The following GLIS3 variants were observed in gnomAD, a reference collection of about 807,000 sequenced individuals.
GLIS3 encodes zinc finger protein GLIS3.
A neutral mutation model predicts 78.6 loss-of-function variants in GLIS3; 53 were observed. The ratio of observed to expected loss-of-function variants is 0.67; its 90% confidence interval spans 0.54 to 0.85. The LOEUF (loss-of-function observed/expected upper bound fraction) is 0.85. GLIS3 is among the 40% of genes least tolerant of loss of function. The pLI, the probability that GLIS3 is intolerant of heterozygous loss-of-function variation, is 0.00. For missense variants in GLIS3, 1,703 were observed against 1,231.1 expected (o/e 1.38, Z -5.74); for synonymous variants, 684 against 509.9 (o/e 1.34, Z -4.60).
intron 4 of GLIS3, among the ~76,000 whole-genome samples, chr9:4,117,389 C>G (rs1019879729): frequency 3.9e-5 from 6 of 152,176 alleles, no homozygotes; most frequent in African/African-American, 1.4e-4. Flanking sequence ...AAGAAAAAGT[C>G]ACTGCATATT....
At chr9:4,392,360 A>G in the GLIS3 span, among the ~76,000 whole-genome samples, 1 of 152,202 alleles carries the variant, frequency 6.6e-6, no homozygotes, top group African/African-American at 2.4e-5. Context: ...TGCCTATGTA[A>G]CCTGCATATC....
At chr9:4,191,683 A>G (rs1051813949) in intron 2 of GLIS3, among the ~76,000 whole-genome samples, 9 of 152,196 alleles carry the variant, frequency 5.9e-5, no homozygotes, top group Non-Finnish European at 1.2e-4. Context: ...AAGCATTTTA[A>G]TAAATATGTG....
the GLIS3 span, among the ~76,000 whole-genome samples, chr9:4,472,012 A>G: frequency 6.6e-6 from 1 of 152,266 alleles, no homozygotes; most frequent in Non-Finnish European, 1.5e-5. Flanking sequence ...AAAAATGCTC[A>G]TCATCACTGG....
At chr9:4,481,120 T>G in the GLIS3 span, among the ~76,000 whole-genome samples, 31 of 152,052 alleles carry the variant, frequency 2.0e-4, no homozygotes, top group Non-Finnish European at 1.6e-4. Flanking sequence ...CCTCCCAAAG[T>G]GCTGGGATTA....
chr9:4,391,091 C>G, the GLIS3 span, among the ~76,000 whole-genome samples: 1 of 152,104 alleles, frequency 6.6e-6, no homozygotes, highest in African/African-American at 2.4e-5. Context: ...TGCCCACCAT[C>G]GCTGCCAGGA....
chr9:3,831,660 C>T (rs956125897), intron 9 of GLIS3, among the ~76,000 whole-genome samples: 1 of 152,174 alleles, frequency 6.6e-6, no homozygotes, highest in Non-Finnish European at 1.5e-5. Context: ...TTAAGAAATT[C>T]TGCACAGGGA....
At position 3,971,912 on chromosome 9, in the gene GLIS3, G is replaced by A. The variant is rs911105838; in HGVS notation, c.1711-34723C>T. Among the ~76,000 whole-genome samples, 7 of 152,110 alleles carry A rather than the reference G, an allele frequency of 4.6e-5. No homozygotes were observed. The East Asian group carries it at 1.3e-3, about 29-fold the overall frequency. ...CACTGGAGGCAGTGCTGGGGATACT[G>A]AGGATATTGCTGTTTTGAGTGGCAT... On this transcript the variant is annotated intron_variant, in intron 4 of 10. Coordinates refer to ENST00000381971, the MANE Select transcript of GLIS3 (RefSeq NM_001042413.2).
At chr9:4,027,182 G>T (rs1823416445) in intron 4 of GLIS3, among the ~76,000 whole-genome samples, 1 of 152,190 alleles carries the variant, frequency 6.6e-6, no homozygotes, top group African/African-American at 2.4e-5. Context: ...TGCAATGTTA[G>T]CAACCTGGCT....
chr9:4,391,768 T>C, the GLIS3 span, among the ~76,000 whole-genome samples: 1 of 152,190 alleles, frequency 6.6e-6, no homozygotes, highest in African/African-American at 2.4e-5. Flanking sequence ...CCTGGTACTG[T>C]TAATATTCTT....
chr9:4,203,173 T>C (rs769420148), intron 2 of GLIS3, among the ~76,000 whole-genome samples: 8 of 152,000 alleles, frequency 5.3e-5, no homozygotes, highest in African/African-American at 1.2e-4. Flanking sequence ...AAAACATGAA[T>C]AGACAGTTCT....
intron 4 of GLIS3, among the ~76,000 whole-genome samples, chr9:3,948,793 GT>G (rs1462568876): frequency 2.0e-5 from 3 of 152,260 alleles, no homozygotes; most frequent in Middle Eastern, 3.4e-3. Flanking sequence ...AAAATGAGTT[GT>G]TTCCATGATA....
intron 8 of GLIS3, among the ~76,000 whole-genome samples, chr9:3,859,191 T>C (rs1819993098): frequency 6.6e-6 from 1 of 152,158 alleles, no homozygotes; most frequent in African/African-American, 2.4e-5. Context: ...CTGAGGTTAT[T>C]TATTTGGTGC....
intron 2 of GLIS3, among the ~76,000 whole-genome samples, chr9:4,139,987 T>C (rs1053088124): frequency 6.6e-6 from 1 of 152,104 alleles, no homozygotes; most frequent in African/African-American, 2.4e-5. Context: ...TTTTTTTCAG[T>C]ATGTAAGAGC....
At chr9:3,935,270 T>A (rs1370580366) in intron 5 of GLIS3, among the ~76,000 whole-genome samples, 1 of 152,060 alleles carries the variant, frequency 6.6e-6, no homozygotes, top group Non-Finnish European at 1.5e-5. Flanking sequence ...CAGTAAAAAA[T>A]TTAAACAGGA....
At chr9:4,111,214 A>C (rs563855566) in intron 4 of GLIS3, among the ~76,000 whole-genome samples, 2 of 152,322 alleles carry the variant, frequency 1.3e-5, no homozygotes, top group South Asian at 4.1e-4. Context: ...ATTAGAGAAA[A>C]AACACAAAAC....
chr9:4,397,445 A>G, the GLIS3 span, among the ~76,000 whole-genome samples: 1 of 151,766 alleles, frequency 6.6e-6, no homozygotes, highest in South Asian at 2.1e-4. Flanking sequence ...TGATAGCAGT[A>G]CAGTCAGAAT....
intron 4 of GLIS3, among the ~76,000 whole-genome samples, chr9:4,101,116 G>T (rs1426979839): frequency 6.6e-6 from 1 of 152,172 alleles, no homozygotes; most frequent in Admixed American, 6.5e-5. Flanking sequence ...CTGGGTCCTG[G>T]TTCACAACCC....
chr9:3,968,893 G>A (rs1208001686), intron 4 of GLIS3, among the ~76,000 whole-genome samples: 1 of 152,130 alleles, frequency 6.6e-6, no homozygotes, highest in Non-Finnish European at 1.5e-5. Flanking sequence ...GGACTGTCTG[G>A]GTAAAGATCT....
intron 2 of GLIS3, among the ~76,000 whole-genome samples, chr9:4,133,992 G>C (rs962190929): frequency 1.3e-5 from 2 of 152,040 alleles, no homozygotes; most frequent in African/African-American, 4.8e-5. Flanking sequence ...TTCGAACTAA[G>C]GTGTCAGGGA....
Sources: gnomAD v4.1 joint callset for allele counts (sites outside exome capture counted in the v4.1 genomes callset) on GRCh38, gnomAD v4.1.1 for gene constraint, MANE v1.5 for transcripts, NCBI Gene and HGNC (gene_info 2026-07-23, HGNC 2026-07-21) for gene names.